Variants in DNAJC1 observed in about 807,000 individuals in gnomAD.
DNAJC1 encodes DnaJ heat shock protein family (Hsp40) member C1, also known as dnaJ homolog subfamily C member 1.
DNAJC1 carries 58 observed loss-of-function variants against 76.6 expected under a neutral mutation model. The observed-to-expected ratio is 0.76, with a 90% CI of 0.61 to 0.94. DNAJC1 has a LOEUF of 0.94. DNAJC1 is among the 40% of genes least tolerant of loss of function. The probability of loss-of-function intolerance (pLI) is 0.00; values close to 1 mark genes in which losing one functional copy is unlikely to be tolerated. For missense variants in DNAJC1, 689 were observed against 677.3 expected, an observed-to-expected ratio of 1.02 and a Z score of -0.19; for synonymous variants, 258 against 267.9, an observed-to-expected ratio of 0.96 and a Z score of 0.36.
chr10:21,934,755 T>C (rs1446704147), intron 1 of DNAJC1, among the ~76,000 whole-genome samples: 1 of 152,204 alleles, frequency 6.6e-6, no homozygotes, highest in Admixed American at 6.5e-5. Context: ...ATAAATACAC[T>C]GTGATATTCA....
intron 8 of DNAJC1, among the ~76,000 whole-genome samples, chr10:21,844,670 C>A (rs1835626064): frequency 2.0e-5 from 3 of 152,158 alleles, no homozygotes; most frequent in Admixed American, 2.0e-4. Flanking sequence ...TAGTCTACCC[C>A]ACCACCACCC....
intron 9 of DNAJC1, among the ~76,000 whole-genome samples, chr10:21,770,436 C>T (rs533356179): frequency 9.3e-5 from 12 of 129,594 alleles, no homozygotes; most frequent in East Asian, 4.5e-4. Context: ...CTAGCTCTGT[C>T]GCCCAGGCTG....
rs550166081 is a variant in DNAJC1 at position 21,784,735 on chromosome 10, T to C, written c.1099-18426A>G. Reference sequence around the variant, plus strand: ...CTATGTAGTCATAAAAAAGGATGAGTTCATGTCCTTTGTAGGGACATGGAT... The same window carrying C: ...CTATGTAGTCATAAAAAAGGATGAGCTCATGTCCTTTGTAGGGACATGGAT... On this transcript the variant is annotated intron_variant, in intron 9 of 11. Coordinates refer to ENST00000376980, the MANE Select transcript of DNAJC1 (RefSeq NM_022365.4). 3.7e-3 allele frequency among the ~76,000 whole-genome samples: 559 copies of C among 152,214 alleles called. 3 individuals are homozygous for C. The highest frequency in any genetic ancestry group is 6.0e-3 in the South Asian group (29 of 4,818).
At chr10:21,918,746 G>T (rs758866421) in intron 6 of DNAJC1, 33 bp downstream of exon 6, 1 of 1,480,582 alleles carries the variant, frequency 6.8e-7, no homozygotes, top group South Asian at 1.1e-5. Context: ...AAAAATAAAA[G>T]ATCTAATGTT....
chr10:21,931,189 C>A (rs1347735859), intron 1 of DNAJC1, among the ~76,000 whole-genome samples: 1 of 152,162 alleles, frequency 6.6e-6, no homozygotes, highest in Non-Finnish European at 1.5e-5. Context: ...ATCTCCCACC[C>A]TCTTGGCTCA....
chr10:21,874,020 C>T (rs989760817), intron 8 of DNAJC1, among the ~76,000 whole-genome samples: 2 of 152,208 alleles, frequency 1.3e-5, no homozygotes, highest in Non-Finnish European at 2.9e-5. Flanking sequence ...ATGTTCACAG[C>T]AGCTGTAACA....
At chr10:21,940,502 A>G (rs1355126421) in intron 1 of DNAJC1, among the ~76,000 whole-genome samples, 1 of 152,222 alleles carries the variant, frequency 6.6e-6, no homozygotes, top group African/African-American at 2.4e-5. Context: ...TTGAGAGTCA[A>G]GGTCAATAAG....
At chr10:21,858,126 T>C (rs1835868081) in intron 8 of DNAJC1, among the ~76,000 whole-genome samples, 2 of 152,202 alleles carry the variant, frequency 1.3e-5, no homozygotes, top group Admixed American at 1.3e-4. Flanking sequence ...AAAAACAATT[T>C]TGGATCTTCA....
chr10:21,920,785 T>C lies in DNAJC1; in HGVS notation c.537+13A>G. 6.3e-7 allele frequency: 1 copy of C among 1,598,716 alleles called. No individual in the cohort carries two copies. Among genetic ancestry groups the C allele is most frequent in the Non-Finnish European group, 8.5e-7 (1 of 1,172,122 alleles). Reference sequence around the variant, plus strand: ...AAGGAGGCTAGTTCATTTGATTTATTACTAACACTTACCAGTTGTTTTTCC... The same window carrying C: ...AAGGAGGCTAGTTCATTTGATTTATCACTAACACTTACCAGTTGTTTTTCC... On this transcript the variant is annotated intron_variant, in intron 4 of 11. Transcript: ENST00000376980.
At chr10:21,941,291 A>AAC (rs1837407465) in intron 1 of DNAJC1, among the ~76,000 whole-genome samples, 1 of 149,914 alleles carries the variant, frequency 6.7e-6, no homozygotes, top group African/African-American at 2.4e-5. Context: ...AAAAAAAAAA[A>AAC]ACAGATAGAA....
At chr10:21,768,909 C>G (rs1222475916) in intron 9 of DNAJC1, among the ~76,000 whole-genome samples, 2 of 152,188 alleles carry the variant, frequency 1.3e-5, no homozygotes, top group Non-Finnish European at 2.9e-5. Context: ...TCATCTTCAA[C>G]TTCCCCTGTC....
At chr10:21,995,851 A>G (rs1838408662) in intron 1 of DNAJC1, among the ~76,000 whole-genome samples, 1 of 152,226 alleles carries the variant, frequency 6.6e-6, no homozygotes, top group Non-Finnish European at 1.5e-5. Flanking sequence ...ATAAGATGGG[A>G]AATGAAACAT....
intron 6 of DNAJC1, among the ~76,000 whole-genome samples, chr10:21,918,400 A>G (rs943466558): frequency 7.2e-6 from 1 of 138,910 alleles, no homozygotes; most frequent in Non-Finnish European, 1.5e-5. Context: ...TTTTAACACT[A>G]TGTACTTAAA....
chr10:21,926,334 G>A (rs1837129153), intron 3 of DNAJC1, among the ~76,000 whole-genome samples: 1 of 149,354 alleles, frequency 6.7e-6, no homozygotes, highest in Non-Finnish European at 1.5e-5. Flanking sequence ...CCCTTTTCCA[G>A]CAAAATTCAA....
intron 8 of DNAJC1, among the ~76,000 whole-genome samples, chr10:21,858,618 A>C (rs1320502277): frequency 6.6e-6 from 1 of 152,224 alleles, no homozygotes; most frequent in Non-Finnish European, 1.5e-5. Flanking sequence ...AGCTTATGAA[A>C]TCTGACAAGG....
chr10:21,879,365 T>C (rs1590028968), intron 8 of DNAJC1, among the ~76,000 whole-genome samples: 1 of 152,158 alleles, frequency 6.6e-6, no homozygotes, highest in Non-Finnish European at 1.5e-5. Flanking sequence ...AGCTCACACC[T>C]ATAATCCCAG....
At chr10:21,951,279 C>T (rs1463941158) in intron 1 of DNAJC1, among the ~76,000 whole-genome samples, 3 of 151,570 alleles carry the variant, frequency 2.0e-5, no homozygotes, top group Non-Finnish European at 4.4e-5. Context: ...GAGATCATGC[C>T]ACTGCACTCC....
intron 1 of DNAJC1, among the ~76,000 whole-genome samples, chr10:21,990,746 T>C (rs554343428): frequency 1.3e-5 from 2 of 152,316 alleles, no homozygotes; most frequent in Admixed American, 1.3e-4. Flanking sequence ...TGTTTTGTTG[T>C]TGTTTTTCCC....
At chr10:21,960,104 T>G (rs937278084) in intron 1 of DNAJC1, among the ~76,000 whole-genome samples, 7 of 152,156 alleles carry the variant, frequency 4.6e-5, no homozygotes, top group Non-Finnish European at 8.8e-5. Context: ...CACCTTCTCT[T>G]AACAGTCTAT....
Sources: gnomAD v4.1 joint callset for allele counts (sites outside exome capture counted in the v4.1 genomes callset) on GRCh38, gnomAD v4.1.1 for gene constraint, MANE v1.5 for transcripts, NCBI Gene and HGNC (gene_info 2026-07-23, HGNC 2026-07-21) for gene names.